Variants in ATP13A4 observed in about 807,000 individuals in gnomAD.
ATP13A4 encodes probable cation-transporting ATPase 13A4.
In ATP13A4, 114 loss-of-function variants were observed where a neutral mutation model predicts 142.5. The ratio of observed to expected loss-of-function variants is 0.80; its 90% CI spans 0.69 to 0.93. The LOEUF (loss-of-function observed/expected upper bound fraction) is 0.93. Ranked by LOEUF, ATP13A4 falls within the 40% of genes least tolerant of loss-of-function variation. The pLI is 0.00. For missense variants in ATP13A4, 1,392 were observed against 1,454.0 expected (o/e 0.96, Z 0.69); for synonymous variants, 488 against 514.8 (o/e 0.95, Z 0.70).
At chr3:193,507,273 G>A (rs573026295) in intron 2 of ATP13A4, among the ~76,000 whole-genome samples, 1 of 152,182 alleles carries the variant, frequency 6.6e-6, no homozygotes, top group Admixed American at 6.5e-5. Context: ...ATTCTAAAAT[G>A]CTGCACTGCC....
At position 193,492,659 on chromosome 3, in the gene ATP13A4, G is replaced by A. The variant is rs549786760; in HGVS notation, c.533+258C>T. ...ATTCCCATCTGTGTGACCTCGTTCC[G>A]GCCATGAAACCCCTCTGAGCCTCAG... is the stretch of plus-strand genomic sequence containing the variant. On this transcript the variant is annotated intron_variant, in intron 5 of 29. Coordinates refer to ENST00000342695, the MANE Select transcript of ATP13A4 (RefSeq NM_032279.4). Among the ~76,000 whole-genome samples the A allele has an allele frequency of 7.9e-5, 12 of 152,086 alleles. No individual in the cohort carries two copies. In the South Asian group the frequency reaches 1.2e-3, roughly 16 times the overall value.
At chr3:193,484,049 T>G in intron 7 of ATP13A4, 44 bp from the exon 8 acceptor site, 1 of 1,496,920 alleles carries the variant, frequency 6.7e-7, no homozygotes, top group Non-Finnish European at 9.3e-7. Context: ...TATTTGAGCA[T>G]AGTTTCTAGG....
intron 8 of ATP13A4, among the ~76,000 whole-genome samples, chr3:193,476,517 T>G (rs1343555277): frequency 6.6e-6 from 1 of 152,124 alleles, no homozygotes; most frequent in Non-Finnish European, 1.5e-5. Context: ...TGTTCACTTC[T>G]GGAGAAGCGC....
chr3:193,411,471 G>A lies in ATP13A4; in HGVS notation c.3209-401C>T, dbSNP rs114234092. 2.3e-3 allele frequency among the ~76,000 whole-genome samples: 351 copies of A among 152,202 alleles called. 2 individuals are homozygous for A. The highest frequency in any genetic ancestry group is 8.2e-3 in the African/African-American group (342 of 41,518). ...ATTTTTAAATTGTTATCATATAGAG[G>A]TCAGTATTTAGCTGCTTCCTCATCC... is the stretch of plus-strand genomic sequence containing the variant. On this transcript the variant is annotated intron_variant, in intron 27 of 29. Transcript: ENST00000342695.
chr3:193,470,822 C>T, intron 9 of ATP13A4, 37 bp downstream of exon 9: 1 of 1,613,360 alleles, frequency 6.2e-7, no homozygotes, highest in Non-Finnish European at 8.5e-7. Flanking sequence ...TGTGGGCCAG[C>T]CCACAGAGGT....
intron 1 of ATP13A4, among the ~76,000 whole-genome samples, chr3:193,591,094 C>T (rs1293726887): frequency 6.6e-6 from 1 of 152,228 alleles, no homozygotes; most frequent in African/African-American, 2.4e-5. Flanking sequence ...GACGGAGTCT[C>T]GATCTGTCGC....
intron 2 of ATP13A4, among the ~76,000 whole-genome samples, chr3:193,580,852 T>C (rs6444729): frequency 0.52 from 79,601 of 152,018 alleles, 21,557 homozygotes; most frequent in African/African-American, 0.66. Context: ...TGCAAAAGCT[T>C]TTAATGATGG....
intron 29 of ATP13A4, among the ~76,000 whole-genome samples, chr3:193,403,084 C>G (rs145108435): frequency 6.6e-6 from 1 of 152,170 alleles, no homozygotes; most frequent in African/African-American, 2.4e-5. Context: ...AGAGGTACAA[C>G]ATTTCAAGAC....
At chr3:193,469,346 C>G (rs1271946251) in intron 9 of ATP13A4, among the ~76,000 whole-genome samples, 1 of 152,194 alleles carries the variant, frequency 6.6e-6, no homozygotes, top group Non-Finnish European at 1.5e-5. Flanking sequence ...AAGAATCAGG[C>G]TGGGCACAGT....
chr3:193,474,468 C>T (rs1005082472), intron 8 of ATP13A4, among the ~76,000 whole-genome samples: 1 of 149,342 alleles, frequency 6.7e-6, no homozygotes, highest in Non-Finnish European at 1.5e-5. Context: ...ACCAGGAGGT[C>T]GAGGCTGCAG....
intron 15 of ATP13A4, 106 bp from the exon 16 acceptor site, chr3:193,457,259 G>A: frequency 6.4e-7 from 1 of 1,573,602 alleles, no homozygotes; most frequent in East Asian, 2.2e-5. Context: ...AAGGGGGAAG[G>A]TCTCACCCAT....
At chr3:193,476,171 A>G (rs1404372510) in intron 8 of ATP13A4, among the ~76,000 whole-genome samples, 1 of 152,072 alleles carries the variant, frequency 6.6e-6, no homozygotes, top group Non-Finnish European at 1.5e-5. Context: ...GTTTTCTAAA[A>G]AGACCTAGAA....
chr3:193,468,968 A>G (rs1003372994), intron 9 of ATP13A4, among the ~76,000 whole-genome samples: 1 of 152,246 alleles, frequency 6.6e-6, no homozygotes. Context: ...TACCATGTTG[A>G]GAAGCCTTGT....
At chr3:193,576,955 T>C (rs1160678627) in intron 2 of ATP13A4, among the ~76,000 whole-genome samples, 2 of 152,226 alleles carry the variant, frequency 1.3e-5, no homozygotes, top group African/African-American at 4.8e-5. Context: ...CAAAGTTTCA[T>C]TTTGAAAACA....
intron 3 of ATP13A4, among the ~76,000 whole-genome samples, chr3:193,500,966 A>C (rs1162093508): frequency 6.6e-6 from 1 of 152,194 alleles, no homozygotes; most frequent in African/African-American, 2.4e-5. Flanking sequence ...TTTTATAAAT[A>C]AGAAACTCAA....
chr3:193,423,865 T>C (rs906815613), intron 25 of ATP13A4, among the ~76,000 whole-genome samples: 1 of 149,290 alleles, frequency 6.7e-6, no homozygotes, highest in Admixed American at 7.0e-5. Flanking sequence ...GACATTCAAA[T>C]TGGGAAGGAG....
At chr3:193,416,205 A>G (rs1715054807) in intron 25 of ATP13A4, among the ~76,000 whole-genome samples, 1 of 152,242 alleles carries the variant, frequency 6.6e-6, no homozygotes, top group South Asian at 2.1e-4. Flanking sequence ...AAGTCACTAA[A>G]CAAATGGACT....
intron 1 of ATP13A4, among the ~76,000 whole-genome samples, chr3:193,551,230 G>A (rs1200075266): frequency 2.6e-5 from 4 of 152,090 alleles, no homozygotes; most frequent in Admixed American, 1.3e-4. Flanking sequence ...TGGCCAACAC[G>A]GTGAAACACC....
At chr3:193,456,898 G>A in intron 16 of ATP13A4, 102 bp downstream of exon 16, 15 of 1,396,498 alleles carry the variant, frequency 1.1e-5, no homozygotes, top group Admixed American at 4.0e-5. Context: ...CACCCAATTG[G>A]TGATGACCCA....
Sources: gnomAD v4.1 joint callset for allele counts (sites outside exome capture counted in the v4.1 genomes callset) on GRCh38, gnomAD v4.1.1 for gene constraint, MANE v1.5 for transcripts, NCBI Gene and HGNC (gene_info 2026-07-23, HGNC 2026-07-21) for gene names.